Variants in COL23A1 observed in about 807,000 individuals in gnomAD.
COL23A1 encodes the protein collagen alpha-1(XXIII) chain.
COL23A1 carries 97 observed loss-of-function variants against 99.3 expected under a neutral mutation model. The ratio of observed to expected loss-of-function variants is 0.98; its 90% confidence interval spans 0.83 to 1.16. The LOEUF (loss-of-function observed/expected upper bound fraction) is 1.16, where lower values mean the gene tolerates loss of function less well. Ranked by LOEUF, COL23A1 falls within the 50% of genes most tolerant of loss-of-function variation. COL23A1 has a pLI of 0.00. For missense variants in COL23A1, 762 were observed against 757.4 expected, an observed-to-expected ratio of 1.01 and a Z score of -0.07; for synonymous variants, 320 against 308.2, an observed-to-expected ratio of 1.04 and a Z score of -0.40.
intron 3 of COL23A1, among the ~76,000 whole-genome samples, chr5:178,303,573 G>A (rs1758185251): frequency 6.6e-6 from 1 of 152,160 alleles, no homozygotes; most frequent in South Asian, 2.1e-4. Context: ...TTGGGATCAG[G>A]GCAGATAAAA....
At chr5:178,425,251 G>A (rs193255433) in intron 2 of COL23A1, among the ~76,000 whole-genome samples, 1,790 of 151,902 alleles carry the variant, frequency 0.012, 12 homozygotes, top group Non-Finnish European at 0.019. Flanking sequence ...GGGGAAACCC[G>A]GTCTCTACTA....
intron 2 of COL23A1, among the ~76,000 whole-genome samples, chr5:178,390,419 A>G (rs73803021): frequency 0.018 from 2,740 of 152,318 alleles, 75 homozygotes; most frequent in African/African-American, 0.062. Context: ...AGGTATGGCC[A>G]CATAAAGAAG....
chr5:178,495,730 T>C (rs927951888), intron 2 of COL23A1, among the ~76,000 whole-genome samples: 3 of 151,848 alleles, frequency 2.0e-5, no homozygotes, highest in Admixed American at 6.6e-5. Context: ...ATGAAAATAG[T>C]GGGGGCTGAG....
chr5:178,589,776 C>T lies in COL23A1; in HGVS notation c.294+128G>A. 2.1e-6 allele frequency: 2 copies of T among 959,938 alleles called. No individual in the cohort carries two copies. The highest frequency in any genetic ancestry group is 2.7e-6 in the Non-Finnish European group (2 of 743,554). The allele number at this position is 959,938 out of a possible 1,614,324, so 59.5% of individuals were successfully genotyped here. On this transcript the variant is annotated intron_variant, in intron 1 of 28. Transcript: ENST00000390654. This position sits in a 1 kb window ranked among gnomAD's most constrained non-coding sequence, Gnocchi z 5.4. The stretch of plus-strand genomic sequence containing the variant: ...CAGACGTGCCCATCTCTGGGACGGC[C>T]CCGAGCGCACGCAGCCGGCGGGCGA...
intron 2 of COL23A1, among the ~76,000 whole-genome samples, chr5:178,481,248 GAC>G (rs1757324325): frequency 6.6e-6 from 1 of 151,316 alleles, no homozygotes; most frequent in Non-Finnish European, 1.5e-5. Flanking sequence ...ATAGATCAAT[GAC>G]CTAAACTTAA....
chr5:178,304,235 G>A (rs559975264), intron 3 of COL23A1, among the ~76,000 whole-genome samples: 4 of 152,180 alleles, frequency 2.6e-5, no homozygotes, highest in Non-Finnish European at 5.9e-5. Context: ...CTCTGTGGGC[G>A]CGGTGGCTCA....
rs1388985909 is a variant in COL23A1, at chr5:178,309,579, G to A, written c.362-2660C>T. The stretch of plus-strand genomic sequence containing the variant: ...TTTATTCTGAGCTCTGTACCTAAAT[G>A]TCCAACTCCACTGGGAGGCACCACT... On this transcript the variant is annotated intron_variant, in intron 2 of 28. Coordinates refer to ENST00000390654, the MANE Select transcript of COL23A1 (RefSeq NM_173465.4). The surrounding 1 kb of genome is among the most constrained non-coding windows in gnomAD (Gnocchi z 4.7). Among the ~76,000 whole-genome samples, 2 of 152,004 alleles carry A rather than the reference G, an allele frequency of 1.3e-5. No individual in the cohort carries two copies. The highest frequency in any genetic ancestry group is 2.9e-5 in the Non-Finnish European group (2 of 67,988).
At chr5:178,547,980 A>AT in intron 2 of COL23A1, among the ~76,000 whole-genome samples, 2 of 22,884 alleles carry the variant, frequency 8.7e-5, no homozygotes, top group Non-Finnish European at 1.6e-4. Context: ...ACATACCCAC[A>AT]CCCACCCCCC....
chr5:178,550,396 C>T (rs1354245793), intron 2 of COL23A1, among the ~76,000 whole-genome samples: 2 of 152,152 alleles, frequency 1.3e-5, no homozygotes, highest in Admixed American at 6.5e-5. Context: ...CCTGCCTCTA[C>T]CTAGTCCATA....
intron 2 of COL23A1, among the ~76,000 whole-genome samples, chr5:178,471,622 T>C (rs921688976): frequency 2.6e-5 from 4 of 152,030 alleles, no homozygotes; most frequent in African/African-American, 4.8e-5. Context: ...GCTAGCTAAC[T>C]CCTAGAGATA....
At chr5:178,320,911 G>A (rs543666869) in intron 2 of COL23A1, among the ~76,000 whole-genome samples, 33 of 152,310 alleles carry the variant, frequency 2.2e-4, no homozygotes, top group African/African-American at 7.2e-4. Flanking sequence ...TGCCTCCTGC[G>A]CACTCCAGAG....
intron 12 of COL23A1, 65 bp downstream of exon 12, chr5:178,259,656 C>T: frequency 1.3e-6 from 2 of 1,499,588 alleles, no homozygotes; most frequent in Non-Finnish European, 1.8e-6. Flanking sequence ...CCGTCCCAGC[C>T]CCTGCCCTTC....
chr5:178,264,785 T>G (rs1374481490), intron 8 of COL23A1, among the ~76,000 whole-genome samples: 1 of 151,890 alleles, frequency 6.6e-6, no homozygotes, highest in African/African-American at 2.4e-5. Flanking sequence ...GCCTCCCGAG[T>G]AGGTGGGATT....
chr5:178,486,509 T>C (rs1179411270), intron 2 of COL23A1, among the ~76,000 whole-genome samples: 1 of 151,906 alleles, frequency 6.6e-6, no homozygotes, highest in Non-Finnish European at 1.5e-5. Flanking sequence ...GAACGGTTAC[T>C]ACGCTCAACG....
rs979705438 is a variant in COL23A1, at chr5:178,366,780, T to C, written c.362-59861A>G. Among the ~76,000 whole-genome samples, 3 of 152,216 alleles carry C rather than the reference T, an allele frequency of 2.0e-5. No homozygotes were observed. Among genetic ancestry groups the C allele is most frequent in the Non-Finnish European group, 4.4e-5 (3 of 68,034 alleles). ...TCTGCTGGTCTAAATCATTATCTAT[T>C]GCTGAGGCTCACAGCAGATGTCGCC... is the stretch of plus-strand genomic sequence containing the variant. On this transcript the variant is annotated intron_variant, in intron 2 of 28. Coordinates refer to ENST00000390654, the MANE Select transcript of COL23A1 (RefSeq NM_173465.4). The surrounding 1 kb of genome is among the most constrained non-coding windows in gnomAD (Gnocchi z 4.4).
At chr5:178,344,993 G>T in intron 2 of COL23A1, 1 of 581,074 alleles carries the variant, frequency 1.7e-6, no homozygotes. Context: ...ACCTATTGCA[G>T]TGTGTCCACC....
intron 1 of COL23A1, among the ~76,000 whole-genome samples, chr5:178,574,824 T>C (rs1015429995): frequency 2.6e-5 from 4 of 152,190 alleles, no homozygotes; most frequent in Non-Finnish European, 5.9e-5. Context: ...GAGGACACCA[T>C]CCACCTGACT....
chr5:178,465,475 G>C (rs1022453391), intron 2 of COL23A1, among the ~76,000 whole-genome samples: 1 of 152,198 alleles, frequency 6.6e-6, no homozygotes, highest in Non-Finnish European at 1.5e-5. Context: ...TTCACACAGA[G>C]GCAGATAACC....
intron 2 of COL23A1, among the ~76,000 whole-genome samples, chr5:178,467,489 G>A (rs1214339360): frequency 6.6e-6 from 1 of 152,168 alleles, no homozygotes; most frequent in Non-Finnish European, 1.5e-5. Context: ...TTTGTGTAGA[G>A]TGCAATCTGT....
Sources: allele counts gnomAD v4.1 joint callset (sites outside exome capture counted in the v4.1 genomes callset), GRCh38; gene constraint gnomAD v4.1.1; non-coding constraint Gnocchi (gnomAD v3.1); transcripts MANE v1.5; gene names NCBI Gene and HGNC (gene_info 2026-07-23, HGNC 2026-07-21).